CACNA2D4: variants seen among roughly 807,000 people sequenced by gnomAD.
The protein encoded by CACNA2D4 is voltage-dependent calcium channel subunit alpha-2/delta-4.
In CACNA2D4, 157 loss-of-function variants were observed where a neutral mutation model predicts 163.8. The ratio of observed to expected loss-of-function variants is 0.96; its 90% confidence interval spans 0.84 to 1.09. The LOEUF (loss-of-function observed/expected upper bound fraction) is 1.09, where lower values mean the gene tolerates loss of function less well. Among genes scored for constraint, CACNA2D4 ranks in the 50% least tolerant of loss-of-function variants. The pLI is 0.00. For synonymous variants in CACNA2D4, 598 were observed against 586.9 expected (o/e 1.02, Z -0.27); for missense variants, 1,410 against 1,479.9 (o/e 0.95, Z 0.78).
chr12:1,834,563 G>T lies in CACNA2D4; in HGVS notation c.2551+6176C>A. ...GGTGATCATTGCAGGGGTCGTGTGC[G>T]GCGTCGTCTGCATCATGATGGTGGT... is the stretch of plus-strand genomic sequence containing the variant. On this transcript the variant is annotated intron_variant, in intron 26 of 37. Transcript: ENST00000382722. This position sits in a 1 kb window ranked among gnomAD's most constrained non-coding sequence, Gnocchi z 7.6. 1.2e-6 allele frequency: 2 copies of T among 1,601,956 alleles called. No homozygotes were observed. Among genetic ancestry groups the T allele is most frequent in the South Asian group, 2.2e-5 (2 of 91,082 alleles).
At position 1,798,326 on chromosome 12, in the gene CACNA2D4, C is replaced by CA. The variant is rs1314585227; in HGVS notation, c.2996-792dup. ...GTTCTCAGGGCCTGGCTGTGGCCCC[C>CA]AGGGATAGACCTAGAGGCAGGGAGC... On this transcript the variant is annotated intron_variant, in intron 34 of 37. Coordinates refer to ENST00000382722, the MANE Select transcript of CACNA2D4 (RefSeq NM_172364.5). The surrounding 1 kb of genome is among the most constrained non-coding windows in gnomAD (Gnocchi z 4.3). Among the ~76,000 whole-genome samples, 2 of 152,170 alleles carry CA rather than the reference C, an allele frequency of 1.3e-5. No individual in the cohort carries two copies. Among genetic ancestry groups the CA allele is most frequent in the Admixed American group, 6.5e-5 (1 of 15,284 alleles).
At chr12:1,854,618 C>A (rs972755782) in intron 22 of CACNA2D4, among the ~76,000 whole-genome samples, 2 of 152,174 alleles carry the variant, frequency 1.3e-5, no homozygotes, top group Admixed American at 6.5e-5. Context: ...GTTGGCCAGG[C>A]TGATCTAGAA....
intron 9 of CACNA2D4, 73 bp from the exon 10 acceptor site, chr12:1,885,149 T>C: frequency 7.7e-7 from 1 of 1,304,092 alleles, no homozygotes; most frequent in Admixed American, 1.7e-5. Flanking sequence ...TTGGTGTTAA[T>C]TTGGGAGGCT....
At chr12:1,860,778 A>G (rs982225637) in intron 18 of CACNA2D4, among the ~76,000 whole-genome samples, 2 of 152,090 alleles carry the variant, frequency 1.3e-5, no homozygotes, top group Admixed American at 6.6e-5. Flanking sequence ...CCCTTTCACA[A>G]CTTCCTTTTC....
chr12:1,879,973 C>T (rs1017170973), intron 13 of CACNA2D4, 92 bp from the exon 14 acceptor site: 54 of 731,226 alleles, frequency 7.4e-5, no homozygotes, highest in Non-Finnish European at 5.8e-5. Flanking sequence ...AACCCACAGT[C>T]ACCACATCAA....
intron 6 of CACNA2D4, among the ~76,000 whole-genome samples, chr12:1,900,945 A>G (rs1274779634): frequency 1.3e-5 from 2 of 152,246 alleles, no homozygotes; most frequent in Admixed American, 1.3e-4. Flanking sequence ...GAGTACATTT[A>G]GGCCAGAAAA....
rs1865855037 is a variant in CACNA2D4, at chr12:1,875,084, T to G, written c.1806+167A>C. Among the ~76,000 whole-genome samples the G allele has an allele frequency of 6.6e-6, 1 of 152,256 alleles. No individual in the cohort carries two copies. The highest frequency in any genetic ancestry group is 2.4e-5 in the African/African-American group (1 of 41,470). On this transcript the variant is annotated intron_variant, in intron 17 of 37. Coordinates refer to ENST00000382722, the MANE Select transcript of CACNA2D4 (RefSeq NM_172364.5). The surrounding 1 kb of genome is among the most constrained non-coding windows in gnomAD (Gnocchi z 4.0). Reference sequence around the variant, plus strand: ...ATATTTTTATAGTTGTTAAAAGAATTGCTCATTTTAGGCATTGCTTGTGGC... The same window carrying G: ...ATATTTTTATAGTTGTTAAAAGAATGGCTCATTTTAGGCATTGCTTGTGGC...
At position 1,828,295 on chromosome 12, in the gene CACNA2D4, C is replaced by T. The variant is rs967075565; in HGVS notation, c.2551+12444G>A. The stretch of plus-strand genomic sequence containing the variant: ...TGACTGTAGGTAGCGCCATATGGGA[C>T]CTTAGCCACACTCAGGCTGCAGGGA... On this transcript the variant is annotated intron_variant, in intron 26 of 37. Coordinates refer to ENST00000382722, the MANE Select transcript of CACNA2D4 (RefSeq NM_172364.5). The surrounding 1 kb of genome is among the most constrained non-coding windows in gnomAD (Gnocchi z 4.2). 3.2e-6 allele frequency: 4 copies of T among 1,246,206 alleles called. No individual in the cohort carries two copies. The African/African-American group carries it at 4.6e-5, about 14-fold the overall frequency. 77.2% of individuals were successfully genotyped at this position (1,246,206 alleles called of 1,614,324 possible).
rs1395018966 is a variant in CACNA2D4, at chr12:1,829,643, C to T, written c.2551+11096G>A. 6.6e-6 allele frequency among the ~76,000 whole-genome samples: 1 copy of T among 151,374 alleles called. No homozygotes were observed. Among genetic ancestry groups the T allele is most frequent in the Non-Finnish European group, 1.5e-5 (1 of 67,788 alleles). On this transcript the variant is annotated intron_variant, in intron 26 of 37. Transcript: ENST00000382722. The surrounding 1 kb of genome is among the most constrained non-coding windows in gnomAD (Gnocchi z 4.2). ...CCTTTGGGACAGCAGACACCCAGACCCCTACTGGACAAGACTCAAGGCTGT... is the reference window on the plus strand; with the variant it reads ...CCTTTGGGACAGCAGACACCCAGACTCCTACTGGACAAGACTCAAGGCTGT...
Position 1,828,043 on chromosome 12 carries a change from C to A in CACNA2D4, c.2551+12696G>T. Reference sequence around the variant, plus strand: ...CCTGGGCTGGAACGGGGCTCCCGCGCCTGCCTGTGCTCAGTGCTCCTCCCT... The same window carrying A: ...CCTGGGCTGGAACGGGGCTCCCGCGACTGCCTGTGCTCAGTGCTCCTCCCT... On this transcript the variant is annotated intron_variant, in intron 26 of 37. Coordinates refer to ENST00000382722, the MANE Select transcript of CACNA2D4 (RefSeq NM_172364.5). This position sits in a 1 kb window ranked among gnomAD's most constrained non-coding sequence, Gnocchi z 4.2. 3 of 1,115,346 alleles carry A rather than the reference C, an allele frequency of 2.7e-6. No homozygotes were observed. Among genetic ancestry groups the A allele is most frequent in the Non-Finnish European group, 3.6e-6 (3 of 826,902 alleles). The allele number at this position is 1,115,346 out of a possible 1,614,324, so 69.1% of individuals were successfully genotyped here. A position where few individuals can be genotyped will look rare whatever the true frequency, so the allele number is the denominator to read the frequency against.
chr12:1,856,595 A>C (rs1237593619), intron 20 of CACNA2D4, among the ~76,000 whole-genome samples: 1 of 152,190 alleles, frequency 6.6e-6, no homozygotes. Flanking sequence ...TGCTTCTGCC[A>C]GACAGCAGCT....
At chr12:1,809,781 C>T (rs942680930) in intron 29 of CACNA2D4, among the ~76,000 whole-genome samples, 5 of 152,284 alleles carry the variant, frequency 3.3e-5, no homozygotes, top group East Asian at 1.9e-4. Flanking sequence ...CACCGAAGGC[C>T]GGGCGTGGTG....
At chr12:1,823,879 C>T (rs527618996) in intron 26 of CACNA2D4, among the ~76,000 whole-genome samples, 36 of 152,312 alleles carry the variant, frequency 2.4e-4, no homozygotes, top group African/African-American at 7.9e-4. Flanking sequence ...TCTTCCTTTC[C>T]TACCTCTGCC....
At chr12:1,821,746 G>A (rs12369395) in intron 26 of CACNA2D4, among the ~76,000 whole-genome samples, 60,812 of 152,038 alleles carry the variant, frequency 0.4, 13,561 homozygotes, top group East Asian at 0.62. Context: ...CTGGAGAGAG[G>A]AGCAGCCTGA....
rs1866039092 is a variant in CACNA2D4 at position 1,882,928 on chromosome 12, C to A, written c.1424G>T (p.Arg475Leu). The stretch of plus-strand genomic sequence containing the variant: ...GTGGTCGTGGTTGATGACCATGGGG[C>A]GGCTGAGCACGTGCAGGTATTCCAT... ...NVMEYLHVLSRPMVINHDHDI... is the reference protein window; with the variant it reads ...NVMEYLHVLSLPMVINHDHDI... The change falls in exon 13 of 38, where the codon CGC (arginine) becomes CTC (leucine). Residue 475 changes from arginine (R) to leucine (L), a missense_variant. By Grantham distance (102) the Arg-to-Leu change is moderately radical (BLOSUM62 -2). Coordinates refer to ENST00000382722, the MANE Select transcript of CACNA2D4 (RefSeq NM_172364.5). The A allele has an allele frequency of 6.2e-7, 1 of 1,613,586 alleles. No homozygotes were observed. Among genetic ancestry groups the A allele is most frequent in the Non-Finnish European group, 8.5e-7 (1 of 1,179,736 alleles).
chr12:1,913,246 G>A (rs548519864), intron 2 of CACNA2D4, 107 bp from the exon 3 acceptor site: 4 of 752,038 alleles, frequency 5.3e-6, no homozygotes, highest in African/African-American at 5.2e-5. Context: ...TCCGGCACAT[G>A]GAGCCTGGTT....
At chr12:1,871,085 G>GGT (rs1163173322) in intron 18 of CACNA2D4, among the ~76,000 whole-genome samples, 1 of 151,646 alleles carries the variant, frequency 6.6e-6, no homozygotes, top group East Asian at 1.9e-4. Context: ...ACGTGTTGCT[G>GGT]GTGTGTGTGT....
At chr12:1,864,871 G>A (rs1865609085) in intron 18 of CACNA2D4, among the ~76,000 whole-genome samples, 1 of 152,352 alleles carries the variant, frequency 6.6e-6, no homozygotes, top group Non-Finnish European at 1.5e-5. Context: ...GGGTCTCTGG[G>A]GTCAGGAAGA....
At position 1,798,024 on chromosome 12, in the gene CACNA2D4, T is replaced by C. The variant is rs1437568109; in HGVS notation, c.2996-489A>G. 6.6e-6 allele frequency among the ~76,000 whole-genome samples: 1 copy of C among 151,892 alleles called. No homozygotes were observed. The highest frequency in any genetic ancestry group is 1.5e-5 in the Non-Finnish European group (1 of 67,920). On this transcript the variant is annotated intron_variant, in intron 34 of 37. Coordinates refer to ENST00000382722, the MANE Select transcript of CACNA2D4 (RefSeq NM_172364.5). The surrounding 1 kb of genome is among the most constrained non-coding windows in gnomAD (Gnocchi z 4.3). ...ACAGCCAGGCCCACACTCCACCCAT[T>C]GAGCCTGAGCGCCTGCGGTGGGGGC...
Sources: allele counts gnomAD v4.1 joint callset (sites outside exome capture counted in the v4.1 genomes callset), GRCh38; gene constraint gnomAD v4.1.1; non-coding constraint Gnocchi (gnomAD v3.1); transcripts MANE v1.5; gene names NCBI Gene and HGNC (gene_info 2026-07-23, HGNC 2026-07-21).